ARRB1: variants seen among roughly 807,000 people sequenced by gnomAD.
ARRB1 encodes beta-arrestin-1.
In ARRB1, 21 loss-of-function variants were observed where a neutral mutation model predicts 56.8. The observed-to-expected ratio is 0.37, with a 90% CI of 0.26 to 0.53. The LOEUF (loss-of-function observed/expected upper bound fraction) is 0.53. Among genes scored for constraint, ARRB1 ranks in the 20% least tolerant of loss-of-function variants. ARRB1 has a pLI of 0.88. For missense variants in ARRB1, 424 were observed against 553.7 expected, an observed-to-expected ratio of 0.77 and a Z score of 2.35; for synonymous variants, 210 against 218.6, an observed-to-expected ratio of 0.96 and a Z score of 0.35.
chr11:75,302,343 T>G (rs1253895363), intron 1 of ARRB1, among the ~76,000 whole-genome samples: 3 of 152,208 alleles, frequency 2.0e-5, no homozygotes, highest in Non-Finnish European at 4.4e-5. Context: ...TCTCAGGTGG[T>G]GCAGAGTGAG....
chr11:75,319,808 T>G (rs1430370761), intron 1 of ARRB1, among the ~76,000 whole-genome samples: 1 of 152,070 alleles, frequency 6.6e-6, no homozygotes, highest in Non-Finnish European at 1.5e-5. Context: ...CCCTTGGGGT[T>G]TGAAAAATTA....
intron 1 of ARRB1, among the ~76,000 whole-genome samples, chr11:75,294,451 G>A (rs1946679669): frequency 6.6e-6 from 1 of 152,008 alleles, no homozygotes; most frequent in Non-Finnish European, 1.5e-5. Flanking sequence ...CAGCTATTCG[G>A]GAGGCTGAGG....
chr11:75,348,489 G>A (rs1431053917), intron 1 of ARRB1, among the ~76,000 whole-genome samples: 2 of 152,160 alleles, frequency 1.3e-5, no homozygotes, highest in Non-Finnish European at 1.5e-5. Context: ...CAGGCCCTGG[G>A]CACTCAGAAG....
intron 1 of ARRB1, among the ~76,000 whole-genome samples, chr11:75,327,368 G>GGTT (rs1384655166): frequency 8.6e-5 from 13 of 150,424 alleles, no homozygotes; most frequent in African/African-American, 3.2e-4. Context: ...AGTCTCACTA[G>GGTT]GTTGCCGAGG....
intron 1 of ARRB1, among the ~76,000 whole-genome samples, chr11:75,297,864 C>CAAAAAAAACAAAAAAAAAAAAAAAA (rs1946795350): frequency 3.4e-5 from 1 of 29,270 alleles, no homozygotes; most frequent in African/African-American, 2.1e-4. Flanking sequence ...GACTTTGTCT[C>CAAAAAAAACAAAAAAAAAAAAAAAA]AAAAAAAAAA....
chr11:75,304,453 T>C (rs1332002723), intron 1 of ARRB1, among the ~76,000 whole-genome samples: 1 of 152,072 alleles, frequency 6.6e-6, no homozygotes, highest in Admixed American at 6.6e-5. Flanking sequence ...AACTGCCTTA[T>C]ATTTATCTGG....
intron 1 of ARRB1, among the ~76,000 whole-genome samples, chr11:75,342,289 TC>T (rs1455900409): frequency 6.6e-6 from 1 of 152,062 alleles, no homozygotes; most frequent in Non-Finnish European, 1.5e-5. Flanking sequence ...TTTCTGAGCC[TC>T]CCCTGTTACA....
intron 13 of ARRB1, 128 bp from the exon 14 acceptor site, chr11:75,269,087 C>A (rs540462061): frequency 1.6e-5 from 16 of 970,930 alleles, no homozygotes; most frequent in Non-Finnish European, 2.4e-5. Context: ...CCAAAAGATG[C>A]CCTCCAGCCC....
chr11:75,329,951 G>A (rs530624187), intron 1 of ARRB1, among the ~76,000 whole-genome samples: 2 of 151,866 alleles, frequency 1.3e-5, no homozygotes, highest in Non-Finnish European at 2.9e-5. Flanking sequence ...AGTGAGATGT[G>A]ATTGCACCAC....
chr11:75,290,117 A>G (rs766633565), intron 1 of ARRB1, 78 bp from the exon 2 acceptor site: 2 of 1,582,370 alleles, frequency 1.3e-6, no homozygotes, highest in Middle Eastern at 1.7e-4. Context: ...ACCTTGAGGC[A>G]GGACTGGGGA....
At chr11:75,346,803 A>T (rs563871491) in intron 1 of ARRB1, among the ~76,000 whole-genome samples, 7 of 152,110 alleles carry the variant, frequency 4.6e-5, no homozygotes, top group Admixed American at 1.3e-4. Flanking sequence ...CCTCCTCCCT[A>T]TGCGATGTCA....
intron 7 of ARRB1, among the ~76,000 whole-genome samples, chr11:75,279,629 G>A (rs1410357686): frequency 1.3e-5 from 2 of 152,296 alleles, no homozygotes; most frequent in Admixed American, 6.5e-5. Flanking sequence ...AAAGGGTGAT[G>A]ACAGAAGGAC....
chr11:75,306,857 GGGTGAGGGTCTCCCCAAGGAT>G, intron 1 of ARRB1: 1 of 363,308 alleles, frequency 2.8e-6, no homozygotes, highest in Non-Finnish European at 5.3e-6. Context: ...GACGGGCAGG[GGGTGAGGGTCTCCCCAAGGAT>G]GGTGACGGTC....
In ARRB1 at chr11:75,322,187, G is replaced by A. The variant is rs990000470; in HGVS notation, c.20+29401C>T. On this transcript the variant is annotated intron_variant, in intron 1 of 15. Transcript: ENST00000420843. ...GAAGCAGCAGTACTAACTCCAAAAG[G>A]GACAAGGGCTGGGGTGCTGAACTGG... 4.6e-5 allele frequency among the ~76,000 whole-genome samples: 7 copies of A among 152,318 alleles called. No homozygotes were observed. The East Asian group carries it at 1.3e-3, about 29-fold the overall frequency.
chr11:75,317,210 A>T (rs1348584152), intron 1 of ARRB1, among the ~76,000 whole-genome samples: 1 of 151,934 alleles, frequency 6.6e-6, no homozygotes, highest in East Asian at 1.9e-4. Context: ...CCCCATTTCC[A>T]TTCTAAATGG....
intron 14 of ARRB1, among the ~76,000 whole-genome samples, chr11:75,268,308 C>T (rs1303578403): frequency 6.6e-6 from 1 of 151,964 alleles, no homozygotes; most frequent in Non-Finnish European, 1.5e-5. Context: ...AGTTTGAGAC[C>T]AGCCTGGCCA....
At chr11:75,301,045 G>GA (rs1442401110) in intron 1 of ARRB1, among the ~76,000 whole-genome samples, 1 of 151,416 alleles carries the variant, frequency 6.6e-6, no homozygotes, top group Non-Finnish European at 1.5e-5. Context: ...TCTGGAGGCT[G>GA]AGACAGGAGA....
chr11:75,299,263 CAG>C (rs1381911011), intron 1 of ARRB1, among the ~76,000 whole-genome samples: 1 of 149,498 alleles, frequency 6.7e-6, no homozygotes, highest in Non-Finnish European at 1.5e-5. Context: ...TAAAAAAAGA[CAG>C]AGAGAATGAA....
At chr11:75,292,440 T>C (rs1946633301) in intron 1 of ARRB1, among the ~76,000 whole-genome samples, 1 of 152,140 alleles carries the variant, frequency 6.6e-6, no homozygotes, top group Non-Finnish European at 1.5e-5. Context: ...CGCGTCCAGC[T>C]TCCTTCTCAT....
Sources: gnomAD v4.1 joint callset for allele counts (sites outside exome capture counted in the v4.1 genomes callset) on GRCh38, gnomAD v4.1.1 for gene constraint, MANE v1.5 for transcripts, NCBI Gene and HGNC (gene_info 2026-07-23, HGNC 2026-07-21) for gene names.